The following HIF1AN variants were observed in gnomAD, a reference collection of about 807,000 sequenced individuals.
The protein encoded by HIF1AN is hypoxia inducible factor 1 subunit alpha inhibitor.
HIF1AN carries 21 observed loss-of-function variants against 47.7 expected under a neutral mutation model. The ratio of observed to expected loss-of-function variants is 0.44; its 90% CI spans 0.31 to 0.63. HIF1AN has a LOEUF of 0.63. HIF1AN is among the 30% of genes least tolerant of loss of function. The pLI is 0.07. For missense variants in HIF1AN, 320 were observed against 432.7 expected (o/e 0.74, Z 2.31); for synonymous variants, 152 against 155.9 (o/e 0.98, Z 0.18).
chr10:100,535,950 G>T lies in HIF1AN; in HGVS notation c.-9G>T, dbSNP rs1413063186. The T allele has an allele frequency of 6.5e-7, 1 of 1,546,896 alleles. No homozygotes were observed. The highest frequency in any genetic ancestry group is 2.0e-5 in the Admixed American group (1 of 49,692). On this transcript the variant is annotated 5_prime_UTR_variant, in exon 1 of 8. Transcript: ENST00000299163. The stretch of plus-strand genomic sequence containing the variant: ...CCGGTTCCGGTGGGGGCCGTCCCTG[G>T]CGGCGGAGATGGCGGCGACAGCGGC...
At position 100,557,894 on chromosome 10, in the gene HIF1AN, AC is replaced by A. The variant is rs1843227859; in HGVS notation, c.*9760del. 6.6e-6 allele frequency: 1 copy of A among 152,208 alleles called. No individual in the cohort carries two copies. The highest frequency in any genetic ancestry group is 2.4e-5 in the African/African-American group (1 of 41,452). 9.4% of individuals were successfully genotyped at this position (152,208 alleles called of 1,614,324 possible). On this transcript the variant is annotated 3_prime_UTR_variant, in exon 8 of 8. Coordinates refer to ENST00000299163, the MANE Select transcript of HIF1AN (RefSeq NM_017902.3). ...CATTTCTTCTTAGGAAGCATCGTTTACCCAGCATAAACAGGAGGACTCAACT... is the reference window on the plus strand; with the variant it reads ...CATTTCTTCTTAGGAAGCATCGTTTACCAGCATAAACAGGAGGACTCAACT...
Position 100,548,131 on chromosome 10 carries a change from C to T in HIF1AN, c.1044C>T (p.Tyr348=). Residue 348 remains tyrosine (Y), a synonymous_variant, in exon 8 of 8, where the codon TAC becomes TAT. Coordinates refer to ENST00000299163, the MANE Select transcript of HIF1AN (RefSeq NM_017902.3). ...TGAACACAATGATCAAGGGCCGATA[C>T]AACTAGCCTGCCAGGGGTCAAGGCC... The part of the protein sequence containing the change: ...PLLNTMIKGR[Y]N 1 of 1,610,090 alleles carries T rather than the reference C, an allele frequency of 6.2e-7. No individual in the cohort carries two copies. Among genetic ancestry groups the T allele is most frequent in the Non-Finnish European group, 8.5e-7 (1 of 1,177,962 alleles).
Position 100,537,314 on chromosome 10 carries a change from T to C in HIF1AN, c.428+653T>C, listed in dbSNP as rs555170620. 1.7e-3 allele frequency among the ~76,000 whole-genome samples: 256 copies of C among 152,282 alleles called. 1 individual carries two copies. Among genetic ancestry groups the C allele is most frequent in the African/African-American group, 5.9e-3 (245 of 41,556 alleles). On this transcript the variant is annotated intron_variant, in intron 2 of 7. Transcript: ENST00000299163. ...GATTTTTATTTAAAATCTTTTGACT[T>C]TAAATGGAGCAACTAAATCAGATTT...
At chr10:100,537,791 T>C (rs1317249224) in intron 2 of HIF1AN, among the ~76,000 whole-genome samples, 1 of 152,240 alleles carries the variant, frequency 6.6e-6, no homozygotes, top group Admixed American at 6.5e-5. Context: ...TTATCAGCAG[T>C]CTGTGGCTAA....
At chr10:100,540,832 T>C in intron 3 of HIF1AN, 50 bp downstream of exon 3, 1 of 1,511,860 alleles carries the variant, frequency 6.6e-7, no homozygotes, top group Non-Finnish European at 8.9e-7. Context: ...TGAACCTGAT[T>C]TCTAATCCTG....
intron 4 of HIF1AN, chr10:100,545,494 A>G: frequency 4.8e-6 from 1 of 209,956 alleles, no homozygotes; most frequent in African/African-American, 2.3e-5. Flanking sequence ...ATGTTGTTTA[A>G]TGTATTTCCT....
intron 1 of HIF1AN, 104 bp from the exon 2 acceptor site, chr10:100,536,307 A>G (rs1386811004): frequency 7.0e-7 from 1 of 1,427,232 alleles, no homozygotes; most frequent in Non-Finnish European, 9.6e-7. Flanking sequence ...GATTAACAGG[A>G]GAAATTATTC....
chr10:100,542,311 G>A (rs1843042423), intron 3 of HIF1AN, among the ~76,000 whole-genome samples: 1 of 151,946 alleles, frequency 6.6e-6, no homozygotes, highest in Non-Finnish European at 1.5e-5. Flanking sequence ...TGTGAAAGAG[G>A]AGAAACTTAT....
Position 100,541,632 on chromosome 10 carries a change from T to C in HIF1AN, c.577+850T>C, listed in dbSNP as rs534548011. ...TCTCCTGCTTTAGCTCCCAAGTAGC[T>C]GACACTACAGGCGTGTGCCACCATA... is the stretch of plus-strand genomic sequence containing the variant. On this transcript the variant is annotated intron_variant, in intron 3 of 7. Coordinates refer to ENST00000299163, the MANE Select transcript of HIF1AN (RefSeq NM_017902.3). Among the ~76,000 whole-genome samples the C allele has an allele frequency of 2.0e-5, 3 of 152,256 alleles. No individual in the cohort carries two copies. In the East Asian group the frequency reaches 5.8e-4, roughly 29 times the overall value.
chr10:100,546,733 T>C (rs1459431207), intron 6 of HIF1AN, 152 bp downstream of exon 6: 23 of 650,698 alleles, frequency 3.5e-5, no homozygotes, highest in Non-Finnish European at 5.6e-5. Flanking sequence ...TTGAATTGGG[T>C]TTCTTTTTTT....
chr10:100,543,737 A>G (rs1843068217), intron 3 of HIF1AN, among the ~76,000 whole-genome samples: 1 of 152,044 alleles, frequency 6.6e-6, no homozygotes, highest in South Asian at 2.1e-4. Context: ...ACGCCCGGCT[A>G]ATTGTTTTAT....
At chr10:100,546,690 T>C in intron 6 of HIF1AN, 109 bp downstream of exon 6, 1 of 817,392 alleles carries the variant, frequency 1.2e-6, no homozygotes, top group Non-Finnish European at 2.1e-6. Context: ...TGGAAGTGAT[T>C]GTCAGGTGTC....
chr10:100,544,906 A>T, intron 3 of HIF1AN, 45 bp from the exon 4 acceptor site: 2 of 1,599,606 alleles, frequency 1.3e-6, no homozygotes. Flanking sequence ...CAGCTTATGC[A>T]ATAGAACCAC....
intron 4 of HIF1AN, chr10:100,545,602 G>C (rs1353274902): frequency 4.1e-6 from 1 of 241,706 alleles, no homozygotes; most frequent in Non-Finnish European, 7.9e-6. Flanking sequence ...AGTCTTTGCT[G>C]GTTAGAATAT....
intron 1 of HIF1AN, 89 bp from the exon 2 acceptor site, chr10:100,536,322 G>A (rs1411184182): frequency 7.4e-6 from 11 of 1,483,824 alleles, no homozygotes; most frequent in Non-Finnish European, 1.0e-5. Context: ...TTATTCTGAA[G>A]TTGAGAAGTA....
chr10:100,536,219 A>G (rs1852218478), intron 1 of HIF1AN, 84 bp downstream of exon 1: 1 of 1,391,234 alleles, frequency 7.2e-7, no homozygotes, highest in South Asian at 1.4e-5. Context: ...GAGATGGGAG[A>G]CTGGCAGGGC....
chr10:100,547,961 G>T, intron 7 of HIF1AN, 132 bp from the exon 8 acceptor site: 1 of 795,916 alleles, frequency 1.3e-6, no homozygotes, highest in East Asian at 2.6e-5. Flanking sequence ...TAGGTGATTA[G>T]AGGATTCACA....
rs931239806 is a variant in HIF1AN at position 100,553,886 on chromosome 10, G to A, written c.*5749G>A. The A allele has an allele frequency of 6.6e-6, 1 of 152,206 alleles. No homozygotes were observed. The highest frequency in any genetic ancestry group is 2.4e-5 in the African/African-American group (1 of 41,424). 9.4% of individuals were successfully genotyped at this position (152,206 alleles called of 1,614,324 possible). ...AAAGCTTTAGCACAGTGCCTGGCAA[G>A]CACTTAATAAATGGCTGTGGTGGTG... On this transcript the variant is annotated 3_prime_UTR_variant, in exon 8 of 8. Coordinates refer to ENST00000299163, the MANE Select transcript of HIF1AN (RefSeq NM_017902.3).
intron 3 of HIF1AN, among the ~76,000 whole-genome samples, chr10:100,541,431 T>C (rs1475357048): frequency 6.6e-6 from 1 of 152,122 alleles, no homozygotes; most frequent in African/African-American, 2.4e-5. Context: ...CATGATAATG[T>C]CTTGTAAATA....
Sources: allele counts gnomAD v4.1 joint callset (sites outside exome capture counted in the v4.1 genomes callset), GRCh38; gene constraint gnomAD v4.1.1; transcripts MANE v1.5; gene names NCBI Gene and HGNC (gene_info 2026-07-23, HGNC 2026-07-21).